Variants in FAM83B observed in about 807,000 individuals in gnomAD.
FAM83B encodes protein FAM83B.
Under a neutral mutation model 38.8 loss-of-function variants are expected in FAM83B, and 26 were observed. The ratio of observed to expected loss-of-function variants is 0.67; its 90% confidence interval spans 0.49 to 0.93. The LOEUF (loss-of-function observed/expected upper bound fraction) is 0.93. FAM83B is among the 40% of genes least tolerant of loss of function. The pLI is 0.00. For missense variants in FAM83B, 1,237 were observed against 1,197.3 expected, an observed-to-expected ratio of 1.03 and a Z score of -0.49; for synonymous variants, 419 against 423.1, an observed-to-expected ratio of 0.99 and a Z score of 0.12.
At chr6:54,875,248 T>C (rs952546695) in intron 2 of FAM83B, among the ~76,000 whole-genome samples, 7 of 152,236 alleles carry the variant, frequency 4.6e-5, no homozygotes, top group African/African-American at 1.7e-4. Context: ...AATTAGTTCG[T>C]GATAGAAATG....
rs1252235800 is a variant in FAM83B, at chr6:54,939,891, A to G, written c.920A>G (p.Gln307Arg). 6.2e-6 allele frequency: 10 copies of G among 1,613,954 alleles called. No homozygotes were observed. The Admixed American group carries it at 1.7e-4, about 27-fold the overall frequency. ...GCCCTCTGGGAAAATGGCACTTACCAGCATTCGGTGTCTTCATTAGCATCT... is the reference window on the plus strand; with the variant it reads ...GCCCTCTGGGAAAATGGCACTTACCGGCATTCGGTGTCTTCATTAGCATCT... ...GKALWENGTY[Q>R]HSVSSLASVS... Residue 307 changes from glutamine (Q) to arginine (R), a missense_variant, in exon 5 of 5, where the codon CAG becomes CGG. Gln to Arg is a conservative substitution (Grantham distance 43). Transcript: ENST00000306858.
intron 4 of FAM83B, among the ~76,000 whole-genome samples, chr6:54,937,668 C>T (rs1773554182): frequency 6.6e-6 from 1 of 151,980 alleles, no homozygotes; most frequent in Non-Finnish European, 1.5e-5. Context: ...TTATGCTGTC[C>T]GTATCCTTAC....
intron 2 of FAM83B, among the ~76,000 whole-genome samples, chr6:54,882,790 T>C (rs1772162549): frequency 1.3e-5 from 2 of 152,170 alleles, no homozygotes; most frequent in Admixed American, 6.5e-5. Flanking sequence ...TTCATGATTA[T>C]TTACCTACTT....
At chr6:54,926,994 A>G (rs1305190089) in intron 3 of FAM83B, among the ~76,000 whole-genome samples, 1 of 152,066 alleles carries the variant, frequency 6.6e-6, no homozygotes. Flanking sequence ...TGGCCTCCCA[A>G]AGTGCTGGGA....
At chr6:54,905,631 AG>A (rs1406289621) in intron 2 of FAM83B, among the ~76,000 whole-genome samples, 9 of 152,204 alleles carry the variant, frequency 5.9e-5, no homozygotes, top group Non-Finnish European at 1.5e-5. Context: ...TGTGTAAAAA[AG>A]TCTTTACTAT....
chr6:54,926,910 T>C (rs989921610), intron 3 of FAM83B, among the ~76,000 whole-genome samples: 3 of 152,090 alleles, frequency 2.0e-5, no homozygotes, highest in Non-Finnish European at 4.4e-5. Context: ...TTTTTTTGTA[T>C]TTTTAGTAGA....
At position 54,942,041 on chromosome 6, in the gene FAM83B, A is replaced by G; in HGVS notation, c.*34A>G. 1 of 1,553,940 alleles carries G rather than the reference A, an allele frequency of 6.4e-7. No individual in the cohort carries two copies. The highest frequency in any genetic ancestry group is 8.7e-7 in the Non-Finnish European group (1 of 1,153,878). On this transcript the variant is annotated 3_prime_UTR_variant, in exon 5 of 5. Transcript: ENST00000306858. ...ATGCAAAATGAATGAGGCTATCAAT[A>G]TTTGTCCAAAGAAAATTGTGGACAG...
chr6:54,908,000 T>C (rs1046168276), intron 2 of FAM83B, among the ~76,000 whole-genome samples: 1 of 152,076 alleles, frequency 6.6e-6, no homozygotes, highest in Non-Finnish European at 1.5e-5. Context: ...CCATTACTTA[T>C]TTAAGGTTCT....
intron 2 of FAM83B, among the ~76,000 whole-genome samples, chr6:54,923,384 A>T (rs776227384): frequency 5.9e-5 from 9 of 151,936 alleles, no homozygotes; most frequent in Non-Finnish European, 1.3e-4. Flanking sequence ...TATTATATAC[A>T]CCTTCAATCT....
chr6:54,847,466 C>T (rs994280825), intron 1 of FAM83B, among the ~76,000 whole-genome samples: 1 of 152,106 alleles, frequency 6.6e-6, no homozygotes, highest in Non-Finnish European at 1.5e-5. Flanking sequence ...GAGTCTGGGT[C>T]TGTGTGCCCT....
chr6:54,921,616 A>G (rs1287097341), intron 2 of FAM83B, among the ~76,000 whole-genome samples: 2 of 152,042 alleles, frequency 1.3e-5, no homozygotes, highest in African/African-American at 4.8e-5. Context: ...TGAAGAAGCA[A>G]GTACATAATT....
chr6:54,865,266 T>C (rs1442094644), intron 1 of FAM83B, among the ~76,000 whole-genome samples: 2 of 152,168 alleles, frequency 1.3e-5, no homozygotes, highest in Admixed American at 6.5e-5. Flanking sequence ...GCATTTCTCT[T>C]ATCTCTGTTC....
At chr6:54,881,679 G>T (rs1772135049) in intron 2 of FAM83B, among the ~76,000 whole-genome samples, 1 of 152,128 alleles carries the variant, frequency 6.6e-6, no homozygotes, top group Non-Finnish European at 1.5e-5. Flanking sequence ...TGGGCAATGA[G>T]AAATTGAGAA....
At chr6:54,847,690 A>C (rs1208669902) in intron 1 of FAM83B, among the ~76,000 whole-genome samples, 1 of 152,122 alleles carries the variant, frequency 6.6e-6, no homozygotes, top group East Asian at 1.9e-4. Flanking sequence ...TGCAGGAGTC[A>C]TAGGTATGTA....
chr6:54,939,834 A>G lies in FAM83B; in HGVS notation c.863A>G (p.Gln288Arg), dbSNP rs139563469. 346 of 1,614,038 alleles carry G rather than the reference A, an allele frequency of 2.1e-4. 5 individuals carry two copies. The African/African-American group carries it at 4.2e-3, about 20-fold the overall frequency. Residue 288 changes from glutamine (Q) to arginine (R), a missense_variant, in exon 5 of 5, where the codon CAG becomes CGG. Gln to Arg is a conservative substitution (Grantham distance 43). Coordinates refer to ENST00000306858, the MANE Select transcript of FAM83B (RefSeq NM_001010872.3). ...ARSCVPSSFAQEESARVKHGK... is the reference protein window; with the variant it reads ...ARSCVPSSFAREESARVKHGK... ...TCCTGTGTCCCTAGTTCATTTGCTC[A>G]GGAAGAATCAGCAAGGGTGAAGCAT...
chr6:54,905,944 GTTAT>G (rs1365357593), intron 2 of FAM83B, among the ~76,000 whole-genome samples: 2 of 150,370 alleles, frequency 1.3e-5, no homozygotes, highest in East Asian at 3.9e-4. Flanking sequence ...ATTTATGTTA[GTTAT>G]GATTTTTCCT....
chr6:54,914,148 G>A (rs971624668), intron 2 of FAM83B, among the ~76,000 whole-genome samples: 1 of 151,916 alleles, frequency 6.6e-6, no homozygotes, highest in African/African-American at 2.4e-5. Context: ...AAATAGTGGT[G>A]GGATATTTTC....
Position 54,926,423 on chromosome 6 carries a change from T to A in FAM83B, c.497T>A (p.Ile166Asn), listed in dbSNP as rs1327822202. The A allele has an allele frequency of 6.2e-7, 1 of 1,609,170 alleles. No homozygotes were observed. The highest frequency in any genetic ancestry group is 2.2e-5 in the East Asian group (1 of 44,792). The change falls in exon 3 of 5, where the codon ATC becomes AAC. Residue 166 changes from isoleucine to asparagine, a missense_variant. Transcript: ENST00000306858. Reference protein sequence around the residue: ...IFTDVDIFKEIVEASTRGVSV... With the variant: ...IFTDVDIFKENVEASTRGVSV... Reference sequence around the variant, plus strand: ...ACAGATGTGGACATTTTCAAAGAAATCGTTGAGGCATCAACTCGAGGAGTA... The same window carrying A: ...ACAGATGTGGACATTTTCAAAGAAAACGTTGAGGCATCAACTCGAGGAGTA...
intron 2 of FAM83B, among the ~76,000 whole-genome samples, chr6:54,909,146 G>GTT (rs78963236): frequency 2.6e-4 from 39 of 151,984 alleles, no homozygotes; most frequent in African/African-American, 7.7e-4. Context: ...TAAGATTCAT[G>GTT]TTTTTTACAT....
Sources: allele counts gnomAD v4.1 joint callset (sites outside exome capture counted in the v4.1 genomes callset), GRCh38; gene constraint gnomAD v4.1.1; transcripts MANE v1.5; gene names NCBI Gene and HGNC (gene_info 2026-07-23, HGNC 2026-07-21).